The following OPHN1 variants were observed in gnomAD, a reference collection of about 807,000 sequenced individuals.
The protein encoded by OPHN1 is oligophrenin 1.
OPHN1 carries 11 observed loss-of-function variants against 60.7 expected under a neutral mutation model. The observed-to-expected ratio is 0.18, with a 90% CI of 0.11 to 0.30. The LOEUF (loss-of-function observed/expected upper bound fraction) is 0.30, where lower values mean the gene tolerates loss of function less well. Among genes scored for constraint, OPHN1 ranks in the 10% least tolerant of loss-of-function variants. The pLI is 1.00. For missense variants in OPHN1, 449 were observed against 611.0 expected, an observed-to-expected ratio of 0.73 and a Z score of 2.80; for synonymous variants, 226 against 222.6, an observed-to-expected ratio of 1.02 and a Z score of -0.14.
chrX:68,425,108 C>T (rs1757284643), intron 2 of OPHN1, among the ~76,000 whole-genome samples: 1 of 111,643 alleles, frequency 9.0e-6, no homozygotes, highest in Non-Finnish European at 1.9e-5. Flanking sequence ...CTCCCGCACA[C>T]CATGGCACTA....
intron 2 of OPHN1, among the ~76,000 whole-genome samples, chrX:68,323,633 G>C (rs2078245839): frequency 9.0e-6 from 1 of 111,513 alleles, no homozygotes; most frequent in South Asian, 3.7e-4. Context: ...ACAGTACACA[G>C]AACACAGTAT....
intron 7 of OPHN1, among the ~76,000 whole-genome samples, 156 bp from the exon 8 acceptor site, chrX:68,212,368 T>C (rs774207657): frequency 9.1e-4 from 101 of 111,398 alleles, no homozygotes; most frequent in Middle Eastern, 4.7e-3. Context: ...GGGCAGATCG[T>C]GAGGTCAGGA....
chrX:68,113,967 TAATA>T (rs2077116269), intron 16 of OPHN1, among the ~76,000 whole-genome samples: 3 of 72,294 alleles, frequency 4.1e-5, no homozygotes, highest in African/African-American at 2.4e-4. Context: ...AGTATAATAA[TAATA>T]AAAAAAAAAA....
intron 2 of OPHN1, among the ~76,000 whole-genome samples, chrX:68,376,863 C>A (rs1405880463): frequency 9.0e-6 from 1 of 110,695 alleles, no homozygotes; most frequent in Non-Finnish European, 1.9e-5. Context: ...TCCACAAGGG[C>A]TAACTTTTCA....
chrX:68,319,358 A>G lies in OPHN1; in HGVS notation c.155-20262T>C, dbSNP rs558137563. 1.9e-3 allele frequency among the ~76,000 whole-genome samples: 218 copies of G among 111,979 alleles called. 3 individuals are homozygous for G. Among genetic ancestry groups the G allele is most frequent in the South Asian group, 0.013 (34 of 2,697 alleles). ...TTAAACATTAAACAACAGAATTTTT[A>G]GGAGAAAGTTTGAAGAAAATCTTTA... On this transcript the variant is annotated intron_variant, in intron 2 of 24. Coordinates refer to ENST00000355520, the MANE Select transcript of OPHN1 (RefSeq NM_002547.3).
chrX:68,072,313 T>A (rs2076937906), intron 20 of OPHN1, among the ~76,000 whole-genome samples: 2 of 112,157 alleles, frequency 1.8e-5, no homozygotes, highest in Admixed American at 1.9e-4. Flanking sequence ...TTAAATGATA[T>A]GTAAAACCAT....
At chrX:68,413,211 T>C (rs945101080) in intron 2 of OPHN1, among the ~76,000 whole-genome samples, 8 of 111,809 alleles carry the variant, frequency 7.2e-5, no homozygotes, top group African/African-American at 2.6e-4. Flanking sequence ...AACTAGGACA[T>C]AGTGAGAAGT....
rs1157524378 is a variant in OPHN1, at chrX:68,045,105, G to A, written c.*2067C>T. ...CAAGGGCTCAAAAATCACTTCCTAG[G>A]TGAGGTCAGTAAGGCCTCACAGAGA... is the stretch of plus-strand genomic sequence containing the variant. On this transcript the variant is annotated 3_prime_UTR_variant, in exon 25 of 25. Coordinates refer to ENST00000355520, the MANE Select transcript of OPHN1 (RefSeq NM_002547.3). The A allele has an allele frequency of 9.0e-6, 1 of 111,218 alleles. No individual in the cohort carries two copies. Among genetic ancestry groups the A allele is most frequent in the Non-Finnish European group, 1.9e-5 (1 of 53,030 alleles). 9.2% of individuals were successfully genotyped at this position (111,218 alleles called of 1,213,427 possible). A position where few individuals can be genotyped will look rare whatever the true frequency, so the allele number is the denominator to read the frequency against.
rs748768815 is a variant in OPHN1 at position 68,429,986 on chromosome X, G to A, written c.154+2881C>T. Among the ~76,000 whole-genome samples the A allele has an allele frequency of 1.2e-4, 13 of 110,430 alleles. No homozygotes were observed. The East Asian group carries it at 1.4e-3, about 12-fold the overall frequency. ...AGGGGCGATGGCTGCAGTGAACTGCGATCATGCCACTGCACTCTAGCCTGG... is the reference window on the plus strand; with the variant it reads ...AGGGGCGATGGCTGCAGTGAACTGCAATCATGCCACTGCACTCTAGCCTGG... On this transcript the variant is annotated intron_variant, in intron 2 of 24. Coordinates refer to ENST00000355520, the MANE Select transcript of OPHN1 (RefSeq NM_002547.3).
intron 2 of OPHN1, among the ~76,000 whole-genome samples, chrX:68,422,596 AAAAAG>A (rs2078831888): frequency 1.2e-5 from 1 of 83,822 alleles, no homozygotes; most frequent in African/African-American, 4.1e-5. Context: ...AGAAAGAAAG[AAAAAG>A]AAAAGAAAAA....
intron 2 of OPHN1, among the ~76,000 whole-genome samples, chrX:68,314,761 G>A (rs1030793918): frequency 3.6e-5 from 4 of 110,718 alleles, no homozygotes; most frequent in South Asian, 3.9e-4. Context: ...CAAGGCAGGC[G>A]GATCACCTGA....
intron 2 of OPHN1, among the ~76,000 whole-genome samples, chrX:68,356,745 C>T (rs1001745631): frequency 9.0e-6 from 1 of 111,104 alleles, no homozygotes; most frequent in Non-Finnish European, 1.9e-5. Flanking sequence ...GATACATATC[C>T]TATTGGTTCT....
At chrX:68,411,554 CCCG>C (rs1432438490) in intron 2 of OPHN1, among the ~76,000 whole-genome samples, 5 of 111,766 alleles carry the variant, frequency 4.5e-5, no homozygotes, top group Non-Finnish European at 9.4e-5. Flanking sequence ...GCTTGTTGGC[CCCG>C]TATATGTCTT....
intron 2 of OPHN1, among the ~76,000 whole-genome samples, chrX:68,331,757 C>T (rs909760026): frequency 1.1e-4 from 12 of 105,584 alleles, no homozygotes; most frequent in Middle Eastern, 0.011. Context: ...AAAAAGAGGC[C>T]GGGTGCAGTG....
intron 5 of OPHN1, among the ~76,000 whole-genome samples, chrX:68,262,236 ATAAC>A (rs771798043): frequency 8.9e-6 from 1 of 112,181 alleles, no homozygotes; most frequent in East Asian, 2.8e-4. Context: ...AAATATAAAA[ATAAC>A]TAAGAATGAA....
chrX:68,313,258 T>C (rs531429354), intron 2 of OPHN1, among the ~76,000 whole-genome samples: 1 of 111,829 alleles, frequency 8.9e-6, no homozygotes, highest in South Asian at 3.8e-4. Context: ...TAGAACAGTT[T>C]GGAGCTTCCT....
Position 68,063,837 on chromosome X carries a change from G to A in OPHN1, c.2158+17C>T. On this transcript the variant is annotated intron_variant, in intron 21 of 24. Transcript: ENST00000355520. ...TTAGGGTCAGCTCTGGCTCCCATGG[G>A]ATTCCCAAGCACTTACCCTCCTTGT... 2 of 1,140,126 alleles carry A rather than the reference G, an allele frequency of 1.8e-6. No homozygotes were observed. Among genetic ancestry groups the A allele is most frequent in the South Asian group, 2.1e-5 (1 of 48,549 alleles). 94.0% of individuals were successfully genotyped at this position (1,140,126 alleles called of 1,213,427 possible). A position where few individuals can be genotyped will look rare whatever the true frequency, so the allele number is the denominator to read the frequency against.
intron 18 of OPHN1, among the ~76,000 whole-genome samples, chrX:68,097,630 C>G (rs1032692579): frequency 8.0e-5 from 9 of 111,857 alleles, no homozygotes; most frequent in African/African-American, 2.9e-4. Context: ...TTTCTGATCC[C>G]TAGTCACTTT....
rs190194449 is a variant in OPHN1, at chrX:68,417,372, G to A, written c.154+15495C>T. 6.6e-3 allele frequency among the ~76,000 whole-genome samples: 740 copies of A among 112,095 alleles called. 18 individuals are homozygous for A. Among genetic ancestry groups the A allele is most frequent in the Admixed American group, 0.057 (597 of 10,509 alleles). On this transcript the variant is annotated intron_variant, in intron 2 of 24. Transcript: ENST00000355520. ...CTCCCAAAGTGCTGAGATTATAGGC[G>A]TGAGCCACCACGCCCAACCTCAAGT...
Sources: gnomAD v4.1 joint callset for allele counts (sites outside exome capture counted in the v4.1 genomes callset) on GRCh38, gnomAD v4.1.1 for gene constraint, MANE v1.5 for transcripts, NCBI Gene and HGNC (gene_info 2026-07-23, HGNC 2026-07-21) for gene names.